LARGE1: variants seen among roughly 807,000 people sequenced by gnomAD.
LARGE1 encodes xylosyl- and glucuronyltransferase LARGE1.
LARGE1 carries 43 observed loss-of-function variants against 87.6 expected under a neutral mutation model. The observed-to-expected ratio is 0.49, with a 90% CI of 0.38 to 0.63. The LOEUF (loss-of-function observed/expected upper bound fraction) is 0.63. Among genes scored for constraint, LARGE1 ranks in the 30% least tolerant of loss-of-function variants. The pLI, the probability that LARGE1 is intolerant of heterozygous loss-of-function variation, is 0.00. For missense variants in LARGE1, 802 were observed against 1,000.2 expected (o/e 0.80, Z 2.67); for synonymous variants, 434 against 394.6 (o/e 1.10, Z -1.18).
intron 2 of LARGE1, among the ~76,000 whole-genome samples, chr22:33,714,042 A>C (rs1979254): frequency 0.036 from 5,516 of 152,116 alleles, 116 homozygotes; most frequent in Middle Eastern, 0.058. Context: ...ATAAAACAAA[A>C]TGAGTACCCA....
chr22:33,574,937 A>G (rs1297655599), intron 5 of LARGE1, among the ~76,000 whole-genome samples: 1 of 152,086 alleles, frequency 6.6e-6, no homozygotes, highest in Admixed American at 6.6e-5. Flanking sequence ...TCTCATCTAT[A>G]TTTTTGGAAT....
chr22:33,635,167 A>G (rs1417754415), intron 3 of LARGE1, among the ~76,000 whole-genome samples: 1 of 151,356 alleles, frequency 6.6e-6, no homozygotes, highest in Admixed American at 6.6e-5. Context: ...CTGGAGATTC[A>G]CTCCTTATCT....
intron 1 of LARGE1, among the ~76,000 whole-genome samples, chr22:33,839,820 C>T (rs192478888): frequency 3.0e-3 from 463 of 152,304 alleles, no homozygotes; most frequent in Admixed American, 5.1e-3. Flanking sequence ...CTTTGACTTG[C>T]GTCACCTCAT....
the LARGE1 span, among the ~76,000 whole-genome samples, chr22:33,100,380 TTAAA>T: frequency 3.9e-5 from 5 of 129,196 alleles, no homozygotes; most frequent in Non-Finnish European, 6.8e-5. Flanking sequence ...AAGTAAAAAA[TTAAA>T]TAAATAAATA....
intron 6 of LARGE1, among the ~76,000 whole-genome samples, chr22:33,546,784 A>T (rs552434619): frequency 6.6e-6 from 1 of 152,180 alleles, no homozygotes; most frequent in South Asian, 2.1e-4. Flanking sequence ...GGGTTTCACA[A>T]CGGTGGCCAG....
intron 2 of LARGE1, among the ~76,000 whole-genome samples, chr22:33,736,231 T>C (rs958278950): frequency 6.6e-6 from 1 of 152,234 alleles, no homozygotes; most frequent in African/African-American, 2.4e-5. Context: ...TTTTCCAAAG[T>C]GGCTGTTCCA....
chr22:33,572,887 T>C (rs1602504593), intron 5 of LARGE1, among the ~76,000 whole-genome samples: 1 of 151,762 alleles, frequency 6.6e-6, no homozygotes, highest in African/African-American at 2.4e-5. Flanking sequence ...ATTAAATACA[T>C]AAAAATAAAA....
At chr22:33,853,157 G>C (rs1012605739) in intron 1 of LARGE1, among the ~76,000 whole-genome samples, 4 of 152,008 alleles carry the variant, frequency 2.6e-5, no homozygotes, top group South Asian at 2.1e-4. Context: ...CTGAGAACTA[G>C]AGAGGTCTAG....
intron 3 of LARGE1, among the ~76,000 whole-genome samples, chr22:33,634,090 A>C (rs2080191878): frequency 6.6e-6 from 1 of 152,230 alleles, no homozygotes; most frequent in African/African-American, 2.4e-5. Context: ...GCCCCTAATA[A>C]ATCAATGCTT....
At chr22:33,883,363 A>G (rs2064753122) in intron 1 of LARGE1, among the ~76,000 whole-genome samples, 1 of 152,206 alleles carries the variant, frequency 6.6e-6, no homozygotes, top group Non-Finnish European at 1.5e-5. Context: ...TAAGCAGCAG[A>G]GACTCAGACT....
intron 6 of LARGE1, among the ~76,000 whole-genome samples, chr22:33,442,995 T>C (rs1372034747): frequency 6.6e-6 from 1 of 152,106 alleles, no homozygotes; most frequent in Non-Finnish European, 1.5e-5. Flanking sequence ...GTTTTCACCG[T>C]GTTAGCCAGG....
the LARGE1 span, among the ~76,000 whole-genome samples, chr22:33,120,358 T>TTCTCTTTCTTTC: frequency 7.9e-4 from 94 of 118,776 alleles, no homozygotes; most frequent in East Asian, 3.9e-3. Context: ...TTTTCTTTCT[T>TTCTCTTTCTTTC]TTTCTTTCTT....
chr22:33,106,383 C>T, the LARGE1 span, among the ~76,000 whole-genome samples: 1 of 152,216 alleles, frequency 6.6e-6, no homozygotes. Context: ...GGACAAGCTG[C>T]TCAGAATGAG....
the LARGE1 span, among the ~76,000 whole-genome samples, chr22:33,067,592 TACTA>T: frequency 3.9e-5 from 6 of 152,290 alleles, no homozygotes; most frequent in African/African-American, 1.4e-4. Flanking sequence ...CTAAGAAACT[TACTA>T]AAGTCACACA....
At chr22:33,599,494 T>C (rs1190030241) in intron 5 of LARGE1, among the ~76,000 whole-genome samples, 3 of 152,040 alleles carry the variant, frequency 2.0e-5, no homozygotes, top group South Asian at 2.1e-4. Flanking sequence ...CATGTAAACA[T>C]TGGGAAGACC....
At chr22:33,912,482 T>C (rs2065665872) in intron 1 of LARGE1, among the ~76,000 whole-genome samples, 1 of 152,212 alleles carries the variant, frequency 6.6e-6, no homozygotes, top group African/African-American at 2.4e-5. Context: ...TTCTTCCCAA[T>C]TGGCCTTGGT....
At chr22:33,567,770 CCT>C (rs2148801728) in intron 5 of LARGE1, among the ~76,000 whole-genome samples, 1 of 152,270 alleles carries the variant, frequency 6.6e-6, no homozygotes, top group South Asian at 2.1e-4. Flanking sequence ...CTCACCCTCC[CCT>C]CTTTTGGAGA....
intron 2 of LARGE1, among the ~76,000 whole-genome samples, chr22:33,723,046 G>A (rs79064313): frequency 0.035 from 5,269 of 152,254 alleles, 106 homozygotes; most frequent in African/African-American, 0.052. Flanking sequence ...CCTTTGAACA[G>A]GGAGTGGCAC....
At chr22:33,421,066 G>A (rs1054928382) in intron 7 of LARGE1, among the ~76,000 whole-genome samples, 2 of 152,142 alleles carry the variant, frequency 1.3e-5, no homozygotes, top group Admixed American at 1.3e-4. Context: ...ATGCATGCCT[G>A]TAGTCCCAGG....
Sources: allele counts gnomAD v4.1 joint callset (sites outside exome capture counted in the v4.1 genomes callset), GRCh38; gene constraint gnomAD v4.1.1; transcripts MANE v1.5; gene names NCBI Gene and HGNC (gene_info 2026-07-23, HGNC 2026-07-21).